Variants in MOV10L1 observed in about 807,000 individuals in gnomAD.
MOV10L1 encodes the protein RNA helicase Mov10l1.
A neutral mutation model predicts 143.8 loss-of-function variants in MOV10L1; 110 were observed. The observed-to-expected ratio is 0.76, with a 90% CI of 0.66 to 0.90. The LOEUF is 0.90. Ranked by LOEUF, MOV10L1 falls within the 40% of genes least tolerant of loss-of-function variation. The probability of loss-of-function intolerance (pLI) is 0.00; values close to 1 mark genes in which losing one functional copy is unlikely to be tolerated. For synonymous variants in MOV10L1, 593 were observed against 581.1 expected, an observed-to-expected ratio of 1.02 and a Z score of -0.29; for missense variants, 1,406 against 1,526.8, an observed-to-expected ratio of 0.92 and a Z score of 1.32.
intron 21 of MOV10L1, 132 bp downstream of exon 21, chr22:50,151,031 A>G: frequency 3.6e-6 from 4 of 1,115,348 alleles, no homozygotes; most frequent in Non-Finnish European, 5.1e-6. Context: ...AGCACCCACC[A>G]TAGCACCTCC....
At chr22:50,126,155 T>C (rs1569300765) in intron 11 of MOV10L1, 47 bp from the exon 12 acceptor site, 1 of 1,351,524 alleles carries the variant, frequency 7.4e-7, no homozygotes. Context: ...CACAGAAATT[T>C]GTGATTTTGT....
chr22:50,120,818 G>A (rs84504), intron 10 of MOV10L1, among the ~76,000 whole-genome samples: 73,674 of 152,126 alleles, frequency 0.48, 18,872 homozygotes, highest in Admixed American at 0.6. Context: ...TGTACACCAG[G>A]GGCTGGCATC....
At chr22:50,144,307 A>G in intron 18 of MOV10L1, 64 bp downstream of exon 18, 4 of 1,532,978 alleles carry the variant, frequency 2.6e-6, no homozygotes, top group South Asian at 1.2e-5. Context: ...GGAAATGCCA[A>G]GTGGACAGGG....
chr22:50,096,517 T>TA (rs2062592799), intron 2 of MOV10L1: 1 of 152,262 alleles, frequency 6.6e-6, no homozygotes. Flanking sequence ...CTGGGCTGTA[T>TA]GGTAAGTCTA....
At chr22:50,142,897 CT>C (rs1217759461) in intron 16 of MOV10L1, 145 bp from the exon 17 acceptor site, 2 of 690,274 alleles carry the variant, frequency 2.9e-6, no homozygotes, top group African/African-American at 3.6e-5. Flanking sequence ...CATCTTACCC[CT>C]GGTCACACTG....
rs928793980 is a variant in MOV10L1 at position 50,144,300 on chromosome 22, A to G, written c.2505+57A>G. 4 of 1,543,516 alleles carry G rather than the reference A, an allele frequency of 2.6e-6. No individual in the cohort carries two copies. In the East Asian group the frequency reaches 9.2e-5, roughly 35 times the overall value. Reference sequence around the variant, plus strand: ...CAGAACCCCTCCCTGGAACATAGGAAATGCCAAGTGGACAGGGGAGGGCAG... The same window carrying G: ...CAGAACCCCTCCCTGGAACATAGGAGATGCCAAGTGGACAGGGGAGGGCAG... On this transcript the variant is annotated intron_variant, in intron 18 of 26. Transcript: ENST00000262794.
rs767038751 is a variant in MOV10L1 at position 50,159,789 on chromosome 22, G to A, written c.3324+4G>A. On this transcript the variant is annotated splice_donor_region_variant and intron_variant, in intron 24 of 26. Transcript: ENST00000262794. The surrounding 1 kb of genome is among the most constrained non-coding windows in gnomAD (Gnocchi z 4.1). ...TCTGGTCATCATCATTTCGACCGTA[G>A]GTATCCCTGTTCTCCGTGGGGATGG... The A allele has an allele frequency of 1.2e-5, 19 of 1,595,746 alleles. No individual in the cohort carries two copies. The South Asian group carries it at 2.0e-4, about 17-fold the overall frequency.
intron 1 of MOV10L1, among the ~76,000 whole-genome samples, chr22:50,091,628 A>G (rs2062445965): frequency 6.6e-6 from 1 of 152,138 alleles, no homozygotes; most frequent in African/African-American, 2.4e-5. Context: ...TCTCTTGGGT[A>G]GTGACGATTA....
chr22:50,147,654 C>T (rs1007222161), intron 19 of MOV10L1, among the ~76,000 whole-genome samples: 6 of 152,154 alleles, frequency 3.9e-5, no homozygotes, highest in African/African-American at 7.2e-5. Context: ...CCACTGGGGG[C>T]GGCTGGAGTG....
chr22:50,161,235 A>G, intron 26 of MOV10L1, 133 bp from the exon 27 acceptor site: 2 of 999,156 alleles, frequency 2.0e-6, no homozygotes, highest in Non-Finnish European at 3.0e-6. Context: ...ATTTGGGGTC[A>G]TGTCACCTTT....
At chr22:50,149,969 G>A (rs547129347) in intron 20 of MOV10L1, among the ~76,000 whole-genome samples, 2 of 152,366 alleles carry the variant, frequency 1.3e-5, no homozygotes, top group East Asian at 3.9e-4. Context: ...GGTAAAGTCA[G>A]GAATGTGGTC....
At chr22:50,128,370 T>C (rs373572928) in intron 12 of MOV10L1, 46 bp from the exon 13 acceptor site, 102 of 1,070,634 alleles carry the variant, frequency 9.5e-5, no homozygotes, top group Middle Eastern at 2.1e-4. Flanking sequence ...GATAAAGATA[T>C]CACATTATTT....
intron 19 of MOV10L1, among the ~76,000 whole-genome samples, chr22:50,146,133 G>C (rs1361146625): frequency 6.6e-6 from 1 of 152,174 alleles, no homozygotes; most frequent in Non-Finnish European, 1.5e-5. Flanking sequence ...CGGCCTGAAA[G>C]GGGTGGTGAG....
At chr22:50,113,175 T>C (rs113399766) in intron 5 of MOV10L1, among the ~76,000 whole-genome samples, 2 of 152,312 alleles carry the variant, frequency 1.3e-5, no homozygotes, top group Non-Finnish European at 2.9e-5. Context: ...TAAAATCTCA[T>C]CTTCTCATTT....
At chr22:50,150,629 G>C (rs117372572) in intron 20 of MOV10L1, 106 bp from the exon 21 acceptor site, 1 of 1,296,220 alleles carries the variant, frequency 7.7e-7, no homozygotes, top group South Asian at 1.4e-5. Flanking sequence ...CCTGCAGCAA[G>C]AGTGAGCATG....
At chr22:50,136,673 G>C (rs945546213) in intron 15 of MOV10L1, among the ~76,000 whole-genome samples, 48 of 152,314 alleles carry the variant, frequency 3.2e-4, no homozygotes, top group African/African-American at 1.1e-3. Flanking sequence ...AGGGTGGGGA[G>C]GACAAGGGGG....
At chr22:50,137,758 A>C (rs138258) in intron 15 of MOV10L1, among the ~76,000 whole-genome samples, 12,067 of 109,778 alleles carry the variant, frequency 0.11, 973 homozygotes, top group Non-Finnish European at 0.19. Flanking sequence ...TACATATATA[A>C]ATATACATAT....
At chr22:50,109,107 G>A (rs184852512) in intron 5 of MOV10L1, among the ~76,000 whole-genome samples, 206 of 152,268 alleles carry the variant, frequency 1.4e-3, no homozygotes, top group Non-Finnish European at 2.3e-3. Flanking sequence ...TTGCGCCACT[G>A]CACTCAGGCC....
chr22:50,115,035 C>A, intron 7 of MOV10L1, 79 bp from the exon 8 acceptor site: 2 of 1,429,890 alleles, frequency 1.4e-6, no homozygotes, highest in Non-Finnish European at 1.9e-6. Context: ...AGAGAGTATT[C>A]ATTTCCACTA....
Sources: allele counts gnomAD v4.1 joint callset (sites outside exome capture counted in the v4.1 genomes callset), GRCh38; gene constraint gnomAD v4.1.1; non-coding constraint Gnocchi (gnomAD v3.1); transcripts MANE v1.5; gene names NCBI Gene and HGNC (gene_info 2026-07-23, HGNC 2026-07-21).